EHD1: variants seen among roughly 807,000 people sequenced by gnomAD.
EHD1 encodes EH domain containing 1.
EHD1 carries 19 observed loss-of-function variants against 39.0 expected under a neutral mutation model. The ratio of observed to expected loss-of-function variants is 0.49; its 90% CI spans 0.34 to 0.72. The LOEUF is 0.72. Among genes scored for constraint, EHD1 ranks in the 30% least tolerant of loss-of-function variants. The pLI, the probability that EHD1 is intolerant of heterozygous loss-of-function variation, is 0.01. For synonymous variants in EHD1, 323 were observed against 331.2 expected (o/e 0.98, Z 0.27); for missense variants, 542 against 751.5 (o/e 0.72, Z 3.26).
intron 2 of EHD1, among the ~76,000 whole-genome samples, chr11:64,872,764 G>A (rs371736151): frequency 2.0e-5 from 3 of 152,166 alleles, no homozygotes; most frequent in African/African-American, 4.8e-5. Flanking sequence ...AGGCCCGCAA[G>A]GCTGGAAGGA....
intron 3 of EHD1, 113 bp downstream of exon 3, chr11:64,859,811 G>A (rs572385571): frequency 8.6e-5 from 120 of 1,402,840 alleles, no homozygotes; most frequent in Non-Finnish European, 1.1e-4. Context: ...GTGCAGGTCT[G>A]CCTGTGAAGT....
intron 2 of EHD1, among the ~76,000 whole-genome samples, chr11:64,865,817 A>G (rs1338328910): frequency 2.6e-5 from 4 of 152,268 alleles, no homozygotes; most frequent in African/African-American, 7.2e-5. Flanking sequence ...ACAACATCTC[A>G]TAACAGTCAG....
chr11:64,876,693 T>G (rs1317773167), intron 1 of EHD1, among the ~76,000 whole-genome samples: 1 of 152,160 alleles, frequency 6.6e-6, no homozygotes, highest in Non-Finnish European at 1.5e-5. Flanking sequence ...ATGTCTAAGA[T>G]CCTTCCAGCT....
intron 2 of EHD1, among the ~76,000 whole-genome samples, chr11:64,866,868 A>G (rs1943772775): frequency 2.0e-5 from 3 of 152,076 alleles, no homozygotes; most frequent in Non-Finnish European, 4.4e-5. Flanking sequence ...GCACTGTAGG[A>G]TTCCACTGAC....
chr11:64,871,785 G>A (rs1038281633), intron 2 of EHD1, among the ~76,000 whole-genome samples: 2 of 152,116 alleles, frequency 1.3e-5, no homozygotes, highest in African/African-American at 4.8e-5. Context: ...GAGGGGAGAG[G>A]GAGGCCACAC....
upstream of EHD1, chr11:64,878,725 C>T: frequency 1.5e-6 from 2 of 1,328,700 alleles, no homozygotes; most frequent in Non-Finnish European, 1.9e-6. Flanking sequence ...TAGGGAGGAG[C>T]CCCTCCCAGC....
At chr11:64,876,375 G>A (rs1424955962) in intron 1 of EHD1, among the ~76,000 whole-genome samples, 3 of 152,218 alleles carry the variant, frequency 2.0e-5, no homozygotes, top group Non-Finnish European at 2.9e-5. Context: ...GGGCCTCAGC[G>A]TGGGCTGATA....
At chr11:64,876,220 G>T (rs575717627) in intron 1 of EHD1, among the ~76,000 whole-genome samples, 1 of 152,224 alleles carries the variant, frequency 6.6e-6, no homozygotes, top group African/African-American at 2.4e-5. Context: ...CACATAGGGG[G>T]AGAAGGCCGG....
chr11:64,879,001 G>T, upstream of EHD1: 1 of 997,682 alleles, frequency 1.0e-6, no homozygotes, highest in Non-Finnish European at 1.2e-6. Flanking sequence ...AGGCACCCTG[G>T]TTCCCTGACT....
rs79115071 is a variant in EHD1, at chr11:64,866,971, G to C, written c.503-6635C>G. On this transcript the variant is annotated intron_variant, in intron 2 of 4. Coordinates refer to ENST00000320631, the MANE Select transcript of EHD1 (RefSeq NM_006795.4). Reference sequence around the variant, plus strand: ...GTGCAGGGAGCCACGAGGGGAGCTGGTGTTGAACAGGAAGAGTGTCCATTT... The same window carrying C: ...GTGCAGGGAGCCACGAGGGGAGCTGCTGTTGAACAGGAAGAGTGTCCATTT... Among the ~76,000 whole-genome samples, 1,392 of 152,268 alleles carry C rather than the reference G, an allele frequency of 9.1e-3. 48 individuals carry two copies. In the East Asian group the frequency reaches 0.11, roughly 13 times the overall value.
intron 2 of EHD1, among the ~76,000 whole-genome samples, chr11:64,871,764 C>A (rs1943833350): frequency 6.6e-6 from 1 of 152,158 alleles, no homozygotes; most frequent in African/African-American, 2.4e-5. Flanking sequence ...AGGGGCCACA[C>A]TTTGCACCTG....
Position 64,854,567 on chromosome 11 carries a change from A to G in EHD1, c.1371T>C (p.Pro457=), listed in dbSNP as rs758441856. 2.2e-5 allele frequency: 35 copies of G among 1,614,078 alleles called. 1 individual carries two copies. The South Asian group carries it at 3.4e-4, about 16-fold the overall frequency. Residue 457 remains proline (P), a synonymous_variant, in exon 5 of 5, where the codon CCT becomes CCC. Transcript: ENST00000320631. The part of the protein sequence containing the change: ...TYDEIFYTLS[P]VNGKITGANA... ...TGGCGCCCGTGATCTTGCCGTTGAC[A>G]GGGGACAGCGTGTAGAAGATCTCGT... is the stretch of plus-strand genomic sequence containing the variant.
chr11:64,865,405 A>G (rs150235471), intron 2 of EHD1, among the ~76,000 whole-genome samples: 22 of 152,332 alleles, frequency 1.4e-4, no homozygotes, highest in African/African-American at 5.3e-4. Context: ...GCTTGCCAGC[A>G]CCCCCGGCAC....
At chr11:64,861,617 T>C (rs1445356034) in intron 2 of EHD1, among the ~76,000 whole-genome samples, 1 of 152,220 alleles carries the variant, frequency 6.6e-6, no homozygotes, top group Non-Finnish European at 1.5e-5. Flanking sequence ...ACCACCTGTT[T>C]GTATAAATAA....
Position 64,878,084 on chromosome 11 carries a change from C to G in EHD1, c.381G>C (p.Ala127=), listed in dbSNP as rs560637626. 1 of 1,527,950 alleles carries G rather than the reference C, an allele frequency of 6.5e-7. No homozygotes were observed. The highest frequency in any genetic ancestry group is 1.4e-5 in the African/African-American group (1 of 72,520). The allele number at this position is 1,527,950 out of a possible 1,614,324, so 94.6% of individuals were successfully genotyped here. The part of the protein sequence containing the change: ...DPRRPFRKLN[A]FGNAFLNRFM... The stretch of plus-strand genomic sequence containing the variant: ...ACCTGTTGAGGAAAGCGTTGCCAAA[C>G]GCGTTGAGCTTGCGGAAGGGGCGCC... Residue 127 remains alanine, a synonymous_variant, in exon 1 of 5, where the codon GCG becomes GCC. Transcript: ENST00000320631.
chr11:64,855,710 C>T (rs1943644029), intron 3 of EHD1: 5 of 597,910 alleles, frequency 8.4e-6, no homozygotes, highest in Non-Finnish European at 1.5e-5. Flanking sequence ...GGACAGAGGA[C>T]AGGACAGGAA....
chr11:64,878,707 G>C (rs1392193602), upstream of EHD1: 3 of 1,348,846 alleles, frequency 2.2e-6, no homozygotes, highest in Admixed American at 1.1e-4. Context: ...GGGCGGAATT[G>C]GGGGCGGTAG....
intron 2 of EHD1, among the ~76,000 whole-genome samples, chr11:64,862,865 C>A (rs904045540): frequency 8.5e-5 from 13 of 152,174 alleles, no homozygotes; most frequent in Non-Finnish European, 1.8e-4. Context: ...CAGAGCGACA[C>A]CCTGTCTCAA....
In EHD1 at chr11:64,859,908, TC is replaced by T. The variant is rs763890206; in HGVS notation, c.915+15del. On this transcript the variant is annotated intron_variant, in intron 3 of 4. Transcript: ENST00000320631. ...CCTGCCTGGCAATAGGCTGCTCCCC[TC>T]ACCCCAGGGTCTACCTTGGCCAGCC... is the stretch of plus-strand genomic sequence containing the variant. The T allele has an allele frequency of 1.6e-5, 25 of 1,599,398 alleles. No homozygotes were observed. Among genetic ancestry groups the T allele is most frequent in the Non-Finnish European group, 2.0e-5 (23 of 1,170,890 alleles).
Sources: gnomAD v4.1 joint callset for allele counts (sites outside exome capture counted in the v4.1 genomes callset) on GRCh38, gnomAD v4.1.1 for gene constraint, MANE v1.5 for transcripts, NCBI Gene and HGNC (gene_info 2026-07-23, HGNC 2026-07-21) for gene names.